Variants in PCBP3 observed in about 807,000 individuals in gnomAD.
The protein encoded by PCBP3 is poly(rC)-binding protein 3.
Under a neutral mutation model 52.7 loss-of-function variants are expected in PCBP3, and 25 were observed. The observed-to-expected ratio is 0.47, with a 90% CI of 0.35 to 0.66. The LOEUF (loss-of-function observed/expected upper bound fraction) is 0.66, where lower values mean the gene tolerates loss of function less well. Among genes scored for constraint, PCBP3 ranks in the 30% least tolerant of loss-of-function variants. The probability of loss-of-function intolerance (pLI) is 0.01; values close to 1 mark genes in which losing one functional copy is unlikely to be tolerated. For synonymous variants in PCBP3, 162 were observed against 183.0 expected (o/e 0.89, Z 0.93); for missense variants, 391 against 490.3 (o/e 0.80, Z 1.91).
At chr21:45,902,148 C>A (rs2096072067) in intron 9 of PCBP3, among the ~76,000 whole-genome samples, 2 of 152,176 alleles carry the variant, frequency 1.3e-5, no homozygotes, top group Admixed American at 1.3e-4. Context: ...GTGTGCGAGG[C>A]CTTTTCCAGT....
intron 4 of PCBP3, among the ~76,000 whole-genome samples, chr21:45,819,130 C>T (rs527514293): frequency 3.3e-5 from 5 of 152,188 alleles, no homozygotes; most frequent in Admixed American, 6.5e-5. Context: ...CAGCACCGAG[C>T]GTGAGCCCTG....
At chr21:45,910,541 T>C (rs2096366495) in intron 10 of PCBP3, among the ~76,000 whole-genome samples, 3 of 152,134 alleles carry the variant, frequency 2.0e-5, no homozygotes, top group African/African-American at 7.2e-5. Flanking sequence ...TTCATTTCCT[T>C]TCCCATGACC....
At chr21:45,930,018 A>C in intron 14 of PCBP3, 23 bp downstream of exon 14, 1 of 1,539,446 alleles carries the variant, frequency 6.5e-7, no homozygotes, top group Non-Finnish European at 9.0e-7. Context: ...CCCTTTTCTC[A>C]CCTCCTTCTC....
At chr21:45,872,257 A>T (rs973408747) in intron 5 of PCBP3, 1 of 152,206 alleles carries the variant, frequency 6.6e-6, no homozygotes, top group Non-Finnish European at 1.5e-5. Context: ...GGTGGTTCTC[A>T]AGTAATCGGA....
chr21:45,829,315 T>C lies in PCBP3; in HGVS notation c.-125-20646T>C, dbSNP rs1202402901. 6.6e-6 allele frequency: 1 copy of C among 152,236 alleles called. No homozygotes were observed. 9.4% of individuals were successfully genotyped at this position (152,236 alleles called of 1,614,324 possible). ...CGTGGTCCATTTCTCCAGGAGTCCGTGGCTTCTGCAATTGTGAGCTGCTGT... is the reference window on the plus strand; with the variant it reads ...CGTGGTCCATTTCTCCAGGAGTCCGCGGCTTCTGCAATTGTGAGCTGCTGT... On this transcript the variant is annotated intron_variant, in intron 4 of 17. Transcript: ENST00000681687. This position sits in a 1 kb window ranked among gnomAD's most constrained non-coding sequence, Gnocchi z 5.2.
intron 4 of PCBP3, among the ~76,000 whole-genome samples, chr21:45,770,625 C>G (rs1367515969): frequency 1.3e-5 from 2 of 152,172 alleles, no homozygotes; most frequent in African/African-American, 4.8e-5. Context: ...GCTGTGAGCC[C>G]TCATTTTTCA....
chr21:45,894,518 C>T (rs1234123977), intron 5 of PCBP3, among the ~76,000 whole-genome samples: 6 of 152,146 alleles, frequency 3.9e-5, no homozygotes, highest in Admixed American at 6.5e-5. Flanking sequence ...TCAGGGGCCA[C>T]GCCATGCATT....
At chr21:45,773,715 A>AT (rs2090048926) in intron 4 of PCBP3, among the ~76,000 whole-genome samples, 1 of 151,978 alleles carries the variant, frequency 6.6e-6, no homozygotes, top group Non-Finnish European at 1.5e-5. Flanking sequence ...TGCTTTAGCT[A>AT]TTTGTGCCCT....
In PCBP3 at chr21:45,929,899, G is replaced by A. The variant is rs374711865; in HGVS notation, c.718-18G>A. The A allele has an allele frequency of 2.5e-4, 406 of 1,601,846 alleles. No individual in the cohort carries two copies. The highest frequency in any genetic ancestry group is 1.0e-3 in the East Asian group (46 of 44,806). On this transcript the variant is annotated intron_variant, in intron 13 of 17. Transcript: ENST00000681687. ...GATGACAATAACCTTCTTAGCTCTC[G>A]TGTCCCTCCTACCCCAGCAGTTGAC...
chr21:45,660,905 G>A (rs941174278), intron 1 of PCBP3, among the ~76,000 whole-genome samples: 80 of 152,272 alleles, frequency 5.3e-4, no homozygotes, highest in African/African-American at 1.7e-3. Context: ...GCCGGGAGTG[G>A]TGGTGCATGC....
intron 2 of PCBP3, among the ~76,000 whole-genome samples, chr21:45,686,615 G>A (rs1458470724): frequency 1.3e-5 from 2 of 152,180 alleles, no homozygotes; most frequent in East Asian, 3.9e-4. Context: ...TAGAGATGAT[G>A]AACTGTCCAA....
rs1240869164 is a variant in PCBP3, at chr21:45,896,343, G to A, written c.146G>A (p.Arg49His). Residue 49 changes from arginine (R) to histidine (H), a missense_variant, in exon 6 of 18, where the codon CGC becomes CAC. Transcript: ENST00000681687. ...GGCCTGAATGTGACCCTCACCATCC[G>A]CCTGCTGATGCATGGAAAGGTAAGA... Reference protein sequence around the residue: ...EGGLNVTLTIRLLMHGKEVGS... With the variant: ...EGGLNVTLTIHLLMHGKEVGS... 8.4e-6 allele frequency: 13 copies of A among 1,551,726 alleles called. No individual in the cohort carries two copies. The highest frequency in any genetic ancestry group is 1.2e-5 in the South Asian group (1 of 84,068).
intron 4 of PCBP3, among the ~76,000 whole-genome samples, chr21:45,823,176 C>T (rs1276769005): frequency 6.6e-6 from 1 of 152,216 alleles, no homozygotes; most frequent in African/African-American, 2.4e-5. Flanking sequence ...ACTGATTGTA[C>T]TGGCACCTTT....
At chr21:45,807,800 C>T (rs561673965) in intron 4 of PCBP3, among the ~76,000 whole-genome samples, 3 of 151,108 alleles carry the variant, frequency 2.0e-5, no homozygotes, top group African/African-American at 7.3e-5. Context: ...TGACTTCAAA[C>T]TATACTACAA....
chr21:45,718,168 C>A (rs904957212), intron 2 of PCBP3, among the ~76,000 whole-genome samples: 4 of 147,086 alleles, frequency 2.7e-5, no homozygotes, highest in Non-Finnish European at 6.0e-5. Flanking sequence ...GTGATGTCTC[C>A]TCTTTCATTC....
intron 5 of PCBP3, among the ~76,000 whole-genome samples, chr21:45,868,129 A>G (rs1029526428): frequency 1.3e-5 from 2 of 152,262 alleles, no homozygotes; most frequent in Admixed American, 1.3e-4. Context: ...CCTGCGCTTC[A>G]CTGCCTGTCG....
intron 13 of PCBP3, among the ~76,000 whole-genome samples, chr21:45,922,329 G>A (rs2074557693): frequency 6.6e-6 from 1 of 152,210 alleles, no homozygotes; most frequent in Admixed American, 6.5e-5. Context: ...CAAGATGGGA[G>A]GATTGCTTGA....
intron 2 of PCBP3, among the ~76,000 whole-genome samples, chr21:45,684,167 G>C (rs905897808): frequency 6.6e-6 from 1 of 151,952 alleles, no homozygotes; most frequent in African/African-American, 2.4e-5. Context: ...GTTCAAGGCA[G>C]CCATGAGCTA....
At chr21:45,854,688 C>CCCTTGTGTGTG (rs1343879671) in intron 5 of PCBP3, among the ~76,000 whole-genome samples, 4 of 152,214 alleles carry the variant, frequency 2.6e-5, no homozygotes, top group African/African-American at 9.7e-5. Flanking sequence ...AGGAGCGGTG[C>CCCTTGTGTGTG]CCTTGTGTGT....
Sources: gnomAD v4.1 joint callset for allele counts (sites outside exome capture counted in the v4.1 genomes callset) on GRCh38, gnomAD v4.1.1 for gene constraint, Gnocchi (gnomAD v3.1) non-coding constraint, MANE v1.5 for transcripts, NCBI Gene and HGNC (gene_info 2026-07-23, HGNC 2026-07-21) for gene names.